The following GREB1L variants were observed in gnomAD, a reference collection of about 807,000 sequenced individuals.
GREB1L encodes GREB1 like retinoic acid receptor coactivator.
A neutral mutation model predicts 200.8 loss-of-function variants in GREB1L; 17 were observed. That is an observed-to-expected ratio of 0.08 (90% CI 0.06 to 0.13). The LOEUF (loss-of-function observed/expected upper bound fraction) is 0.13, where lower values mean the gene tolerates loss of function less well. Among genes scored for constraint, GREB1L ranks in the 10% least tolerant of loss-of-function variants. The probability of loss-of-function intolerance (pLI) is 1.00; values close to 1 mark genes in which losing one functional copy is unlikely to be tolerated. For missense variants in GREB1L, 1,657 were observed against 2,367.7 expected, an observed-to-expected ratio of 0.70 and a Z score of 6.23; for synonymous variants, 789 against 893.0, an observed-to-expected ratio of 0.88 and a Z score of 2.08.
At chr18:21,496,781 T>C in intron 21 of GREB1L, 83 bp downstream of exon 21, 2 of 1,462,528 alleles carry the variant, frequency 1.4e-6, no homozygotes, top group Non-Finnish European at 1.8e-6. Flanking sequence ...AGGCATTTAC[T>C]GACACCCCAA....
chr18:21,408,648 G>T (rs1373127424), intron 7 of GREB1L, among the ~76,000 whole-genome samples: 7 of 152,116 alleles, frequency 4.6e-5, no homozygotes, highest in South Asian at 2.1e-4. Flanking sequence ...TACAAAATTA[G>T]CCAGGTGTGG....
intron 15 of GREB1L, among the ~76,000 whole-genome samples, chr18:21,463,415 G>T (rs1364591886): frequency 6.6e-6 from 1 of 152,042 alleles, no homozygotes; most frequent in Non-Finnish European, 1.5e-5. Context: ...AAAGTGCTGG[G>T]ATTACAGGCG....
chr18:21,349,227 A>AT lies in GREB1L; in HGVS notation c.-119-16790dup, dbSNP rs546623174. ...ATGTTTTAAAACATCTAATTATGTT[A>AT]TTTTTTTTTTGAAAACTTCCATTGG... On this transcript the variant is annotated intron_variant, in intron 1 of 32. Coordinates refer to ENST00000424526, the MANE Select transcript of GREB1L (RefSeq NM_001142966.3). 9.1e-3 allele frequency among the ~76,000 whole-genome samples: 1,360 copies of AT among 149,680 alleles called. 14 individuals are homozygous for AT. The highest frequency in any genetic ancestry group is 0.021 in the South Asian group (98 of 4,724).
intron 1 of GREB1L, among the ~76,000 whole-genome samples, chr18:21,254,773 T>C (rs1383014546): frequency 2.0e-5 from 3 of 152,046 alleles, no homozygotes; most frequent in African/African-American, 7.2e-5. Flanking sequence ...CTTTTCACTA[T>C]CCCAAGATAT....
rs2037679997 is a variant in GREB1L, at chr18:21,525,945, T to C, written c.*3124T>C. Among the ~76,000 whole-genome samples the C allele has an allele frequency of 6.6e-6, 1 of 152,160 alleles. No homozygotes were observed. The highest frequency in any genetic ancestry group is 2.1e-4 in the South Asian group (1 of 4,832). On this transcript the variant is annotated 3_prime_UTR_variant, in exon 33 of 33. Transcript: ENST00000424526. ...GGGCAATAAATATTTGTAAGTGTAATGACAGACTTTCAGAGGAAAGTAAAG... is the reference window on the plus strand; with the variant it reads ...GGGCAATAAATATTTGTAAGTGTAACGACAGACTTTCAGAGGAAAGTAAAG...
intron 1 of GREB1L, among the ~76,000 whole-genome samples, chr18:21,343,390 G>C (rs1162019666): frequency 6.6e-6 from 1 of 152,216 alleles, no homozygotes; most frequent in African/African-American, 2.4e-5. Context: ...TTTATAGAGA[G>C]AGGGATTTGT....
intron 4 of GREB1L, among the ~76,000 whole-genome samples, chr18:21,388,476 T>A (rs2040636050): frequency 6.6e-6 from 1 of 151,684 alleles, no homozygotes; most frequent in Non-Finnish European, 1.5e-5. Context: ...CTTTTCCTGT[T>A]CCAGTATCCC....
chr18:21,351,415 A>T (rs2039430925), intron 1 of GREB1L, among the ~76,000 whole-genome samples: 2 of 152,146 alleles, frequency 1.3e-5, no homozygotes, highest in Non-Finnish European at 2.9e-5. Flanking sequence ...TCTACTAGAA[A>T]TACAAAAATT....
intron 1 of GREB1L, among the ~76,000 whole-genome samples, chr18:21,313,532 A>G (rs2144824102): frequency 6.6e-6 from 1 of 152,310 alleles, no homozygotes; most frequent in East Asian, 1.9e-4. Flanking sequence ...AATGAGGGGC[A>G]AAGGAGGAGT....
At chr18:21,522,004 C>CA (rs59115973) in intron 32 of GREB1L, among the ~76,000 whole-genome samples, 869 of 31,032 alleles carry the variant, frequency 0.028, 75 homozygotes, top group African/African-American at 0.097. Flanking sequence ...ACTCCGTCTC[C>CA]AAAAAAAAAA....
Position 21,522,780 on chromosome 18 carries a change from G to C in GREB1L, c.5731G>C (p.Asp1911His), listed in dbSNP as rs2037626026. ...RDEFQTANSSDDKPLYFLTGR... is the reference protein window; with the variant it reads ...RDEFQTANSSHDKPLYFLTGR... ...CGAGTTTCAAACTGCTAACAGCAGT[G>C]ATGACAAGCCTCTCTACTTTCTTAC... The change falls in exon 33 of 33, where the codon GAT becomes CAT. Residue 1911 changes from aspartate to histidine, a missense_variant. Transcript: ENST00000424526. 6.4e-7 allele frequency: 1 copy of C among 1,551,544 alleles called. No homozygotes were observed.
chr18:21,291,178 C>A (rs1035129465), intron 1 of GREB1L, among the ~76,000 whole-genome samples: 1 of 152,176 alleles, frequency 6.6e-6, no homozygotes, highest in Non-Finnish European at 1.5e-5. Flanking sequence ...AGTACCCTAG[C>A]TATACTGAGG....
chr18:21,276,460 T>G (rs956587843), intron 1 of GREB1L, among the ~76,000 whole-genome samples: 40 of 152,144 alleles, frequency 2.6e-4, no homozygotes, highest in African/African-American at 9.7e-4. Context: ...CTTACATGAT[T>G]CCAAATAAGC....
chr18:21,257,325 C>G (rs2037816855), intron 1 of GREB1L, among the ~76,000 whole-genome samples: 1 of 152,094 alleles, frequency 6.6e-6, no homozygotes, highest in Non-Finnish European at 1.5e-5. Flanking sequence ...TTACTAGGTT[C>G]TTTTCTGGAA....
chr18:21,266,216 C>A (rs975496291), intron 1 of GREB1L, among the ~76,000 whole-genome samples: 1 of 151,940 alleles, frequency 6.6e-6, no homozygotes, highest in Non-Finnish European at 1.5e-5. Context: ...CAGCTGGTTA[C>A]GGTATCAAAA....
chr18:21,437,895 G>A (rs551686761), intron 7 of GREB1L, among the ~76,000 whole-genome samples: 3 of 152,146 alleles, frequency 2.0e-5, no homozygotes, highest in Admixed American at 6.5e-5. Context: ...ATACTAATAG[G>A]ATATTTTATG....
intron 12 of GREB1L, among the ~76,000 whole-genome samples, chr18:21,450,434 A>C (rs947795411): frequency 6.6e-6 from 1 of 152,220 alleles, no homozygotes; most frequent in African/African-American, 2.4e-5. Context: ...CTCTTCCAGC[A>C]AAGAAGCTAA....
chr18:21,389,185 A>G (rs1425546892), intron 4 of GREB1L, among the ~76,000 whole-genome samples: 1 of 152,020 alleles, frequency 6.6e-6, no homozygotes, highest in Non-Finnish European at 1.5e-5. Flanking sequence ...TCGTTTATTT[A>G]TGTCATTATG....
At chr18:21,469,625 A>T (rs192763918) in intron 15 of GREB1L, among the ~76,000 whole-genome samples, 1 of 152,148 alleles carries the variant, frequency 6.6e-6, no homozygotes, top group South Asian at 2.1e-4. Context: ...GCCTAAGTCC[A>T]CTCAGCAGAC....
Sources: allele counts gnomAD v4.1 joint callset (sites outside exome capture counted in the v4.1 genomes callset), GRCh38; gene constraint gnomAD v4.1.1; transcripts MANE v1.5; gene names NCBI Gene and HGNC (gene_info 2026-07-23, HGNC 2026-07-21).